CDH12: variants seen among roughly 807,000 people sequenced by gnomAD.
CDH12 encodes the protein cadherin-12.
In CDH12, 41 loss-of-function variants were observed where a neutral mutation model predicts 74.1. The ratio of observed to expected loss-of-function variants is 0.55; its 90% CI spans 0.43 to 0.72. CDH12 has a LOEUF of 0.72. Ranked by LOEUF, CDH12 falls within the 30% of genes least tolerant of loss-of-function variation. The probability of loss-of-function intolerance (pLI) is 0.00; values close to 1 mark genes in which losing one functional copy is unlikely to be tolerated. For synonymous variants in CDH12, 399 were observed against 355.0 expected (o/e 1.12, Z -1.39); for missense variants, 945 against 977.2 (o/e 0.97, Z 0.44).
intron 4 of CDH12, among the ~76,000 whole-genome samples, chr5:22,153,897 T>C (rs1180900993): frequency 0.032 from 1,784 of 56,378 alleles, 21 homozygotes; most frequent in Non-Finnish European, 0.038. Context: ...TAAATATATA[T>C]ATATATACAC....
intron 9 of CDH12, among the ~76,000 whole-genome samples, chr5:21,809,533 G>A (rs753697631): frequency 1.3e-5 from 2 of 152,124 alleles, no homozygotes; most frequent in Non-Finnish European, 2.9e-5. Flanking sequence ...AGCAAGCTGT[G>A]TGACTTTGAA....
At chr5:22,426,004 TG>T (rs1392639311) in intron 2 of CDH12, among the ~76,000 whole-genome samples, 1 of 151,856 alleles carries the variant, frequency 6.6e-6, no homozygotes, top group East Asian at 1.9e-4. Flanking sequence ...CTGGCCAACA[TG>T]ATGAAACCCC....
chr5:22,343,464 C>T (rs1223667231), intron 3 of CDH12, among the ~76,000 whole-genome samples: 2 of 152,112 alleles, frequency 1.3e-5, no homozygotes, highest in South Asian at 2.1e-4. Context: ...GTCACTCAGG[C>T]TGGAGTGCAG....
At chr5:22,070,147 T>C (rs1391061696) in intron 5 of CDH12, among the ~76,000 whole-genome samples, 1 of 152,140 alleles carries the variant, frequency 6.6e-6, no homozygotes, top group Non-Finnish European at 1.5e-5. Context: ...ACAAAATGTA[T>C]TGACTTGATA....
intron 1 of CDH12, among the ~76,000 whole-genome samples, chr5:22,660,315 C>T (rs1006898633): frequency 1.1e-4 from 16 of 152,274 alleles, no homozygotes; most frequent in East Asian, 3.9e-4. Context: ...TATGACTATG[C>T]ATTGGTTATT....
intron 3 of CDH12, among the ~76,000 whole-genome samples, chr5:22,264,237 C>T (rs536418962): frequency 6.6e-6 from 1 of 151,834 alleles, no homozygotes; most frequent in African/African-American, 2.4e-5. Context: ...TAATCTGTAT[C>T]CTTGTCAACA....
chr5:21,901,207 C>T (rs1753368312), intron 6 of CDH12, among the ~76,000 whole-genome samples: 1 of 151,952 alleles, frequency 6.6e-6, no homozygotes, highest in Non-Finnish European at 1.5e-5. Flanking sequence ...CTAAGGTCAA[C>T]ATATAAAGTT....
At chr5:22,107,136 T>C (rs1285202832) in intron 4 of CDH12, among the ~76,000 whole-genome samples, 4 of 147,248 alleles carry the variant, frequency 2.7e-5, no homozygotes, top group African/African-American at 8.0e-5. Flanking sequence ...ATTTCTACTT[T>C]TTTTTTTTTT....
At chr5:22,590,359 T>C (rs1408741974) in intron 1 of CDH12, among the ~76,000 whole-genome samples, 1 of 152,140 alleles carries the variant, frequency 6.6e-6, no homozygotes, top group East Asian at 1.9e-4. Flanking sequence ...TTGGTATGAA[T>C]TATACAATGA....
At chr5:22,028,088 GGAGCAA>G (rs1738511688) in intron 5 of CDH12, among the ~76,000 whole-genome samples, 1 of 152,044 alleles carries the variant, frequency 6.6e-6, no homozygotes. Context: ...TAGTCATTCA[GGAGCAA>G]GTTGTTCAGT....
chr5:22,362,754 A>C (rs1740867787), intron 3 of CDH12, among the ~76,000 whole-genome samples: 1 of 151,950 alleles, frequency 6.6e-6, no homozygotes, highest in South Asian at 2.1e-4. Context: ...TGCAGCCATA[A>C]AAAAGGATGA....
chr5:22,130,364 T>C (rs1746115983), intron 4 of CDH12, among the ~76,000 whole-genome samples: 1 of 151,924 alleles, frequency 6.6e-6, no homozygotes, highest in African/African-American at 2.4e-5. Context: ...TCTATTTCAG[T>C]AAGGGGGTGA....
At chr5:22,231,454 C>T (rs561030381) in intron 3 of CDH12, among the ~76,000 whole-genome samples, 2 of 151,766 alleles carry the variant, frequency 1.3e-5, no homozygotes, top group South Asian at 4.2e-4. Flanking sequence ...ATGTTTAATA[C>T]TACTAATAAA....
intron 1 of CDH12, among the ~76,000 whole-genome samples, chr5:22,561,863 T>G (rs771821707): frequency 6.6e-6 from 1 of 152,190 alleles, no homozygotes; most frequent in Non-Finnish European, 1.5e-5. Context: ...TGGTATATAC[T>G]CTCATGAATG....
chr5:21,927,366 G>A (rs1018207029), intron 6 of CDH12, among the ~76,000 whole-genome samples: 5 of 151,754 alleles, frequency 3.3e-5, no homozygotes, highest in Admixed American at 1.3e-4. Context: ...TCGGCAGATC[G>A]CTTGAGCTTG....
intron 6 of CDH12, among the ~76,000 whole-genome samples, chr5:21,941,155 T>C (rs1755312492): frequency 6.6e-6 from 1 of 152,042 alleles, no homozygotes; most frequent in Admixed American, 6.6e-5. Flanking sequence ...GCAGCACTAA[T>C]TTGCAATATC....
intron 1 of CDH12, among the ~76,000 whole-genome samples, chr5:22,822,134 G>GTTT (rs1749735989): frequency 6.6e-6 from 1 of 152,056 alleles, no homozygotes; most frequent in Non-Finnish European, 1.5e-5. Context: ...AATGGGGAAA[G>GTTT]GATTCCCTAT....
chr5:22,678,973 G>A (rs771653901), intron 1 of CDH12, among the ~76,000 whole-genome samples: 1 of 151,958 alleles, frequency 6.6e-6, no homozygotes, highest in African/African-American at 2.4e-5. Context: ...CTAAGAAATC[G>A]ATATGTTCCT....
intron 6 of CDH12, among the ~76,000 whole-genome samples, chr5:21,890,678 T>A (rs1398556708): frequency 6.6e-6 from 1 of 152,106 alleles, no homozygotes; most frequent in Non-Finnish European, 1.5e-5. Context: ...GACAGAGTGA[T>A]TCTACATACA....
Sources: allele counts gnomAD v4.1 joint callset (sites outside exome capture counted in the v4.1 genomes callset), GRCh38; gene constraint gnomAD v4.1.1; transcripts MANE v1.5; gene names NCBI Gene and HGNC (gene_info 2026-07-23, HGNC 2026-07-21).